The following SPATA33 variants were observed in gnomAD, a reference collection of about 807,000 sequenced individuals.
SPATA33 encodes the protein spermatogenesis associated 33.
Under a neutral mutation model 8.9 loss-of-function variants are expected in SPATA33, and 10 were observed. The ratio of observed to expected loss-of-function variants is 1.12; its 90% CI spans 0.69 to 1.90. SPATA33 has a LOEUF of 1.90. SPATA33 is among the 40% of genes most tolerant of loss of function. The probability of loss-of-function intolerance (pLI) is 0.00; values close to 1 mark genes in which losing one functional copy is unlikely to be tolerated. For missense variants in SPATA33, 241 were observed against 178.3 expected (o/e 1.35, Z -2.00); for synonymous variants, 96 against 72.8 (o/e 1.32, Z -1.63).
chr16:89,665,533 C>A (rs2060015510), intron 2 of SPATA33, among the ~76,000 whole-genome samples: 1 of 149,504 alleles, frequency 6.7e-6, no homozygotes, highest in Non-Finnish European at 1.5e-5. Context: ...CCAGAATGGT[C>A]TTAATTTCCT....
rs78534595 is a variant in SPATA33 at position 89,663,698 on chromosome 16, G to A, written c.211+5277G>A. Among the ~76,000 whole-genome samples the A allele has an allele frequency of 0.024, 3,695 of 152,210 alleles. 679 individuals are homozygous for A. In the East Asian group the frequency reaches 0.5, roughly 21 times the overall value. On this transcript the variant is annotated intron_variant, in intron 2 of 2. Transcript: ENST00000579310. ...GGGGTAGGGAGTGGGTGTGTCTGAAGGGCAGCAGGAGGAAGATGGGATTGT... is the reference window on the plus strand; with the variant it reads ...GGGGTAGGGAGTGGGTGTGTCTGAAAGGCAGCAGGAGGAAGATGGGATTGT...
At chr16:89,660,216 T>G (rs2059947864) in intron 2 of SPATA33, 1 of 273,802 alleles carries the variant, frequency 3.7e-6, no homozygotes. Context: ...CAGGCAGGAC[T>G]GCATCTACTG....
rs138628022 is a variant in SPATA33 at position 89,660,067 on chromosome 16, A to G, written c.211+1646A>G. 201 of 156,092 alleles carry G rather than the reference A, an allele frequency of 1.3e-3. 1 individual carries two copies. The highest frequency in any genetic ancestry group is 4.3e-3 in the African/African-American group (181 of 41,738). 9.7% of individuals were successfully genotyped at this position (156,092 alleles called of 1,614,324 possible). A position where few individuals can be genotyped will look rare whatever the true frequency, so the allele number is the denominator to read the frequency against. On this transcript the variant is annotated intron_variant, in intron 2 of 2. Coordinates refer to ENST00000579310, the MANE Select transcript of SPATA33 (RefSeq NM_001271907.2). ...AACGCAGCTTTAACACAGGGATTTA[A>G]TGTCTCACGAATGAAGGGTCAGAGG...
chr16:89,658,768 C>T, intron 2 of SPATA33: 1 of 317,860 alleles, frequency 3.1e-6, no homozygotes, highest in Non-Finnish European at 6.1e-6. Context: ...TGGAACAGAG[C>T]ATTGGGAGGC....
rs553405291 is a variant in SPATA33, at chr16:89,664,560, T to C, written c.212-4726T>C. On this transcript the variant is annotated intron_variant, in intron 2 of 2. Coordinates refer to ENST00000579310, the MANE Select transcript of SPATA33 (RefSeq NM_001271907.2). The stretch of plus-strand genomic sequence containing the variant: ...GACAGTAAAAGTGTCAGAGGCTCTT[T>C]AGGGCCCGACCTGATCAGGGAAGCC... Among the ~76,000 whole-genome samples, 696 of 151,814 alleles carry C rather than the reference T, an allele frequency of 4.6e-3. 5 individuals carry two copies. The highest frequency in any genetic ancestry group is 0.016 in the African/African-American group (665 of 41,344).
intron 2 of SPATA33, chr16:89,661,189 G>T (rs2059961771): frequency 2.0e-6 from 2 of 985,430 alleles, no homozygotes; most frequent in Non-Finnish European, 2.4e-6. Flanking sequence ...GTTAATCACT[G>T]TGGCAGCTGT....
chr16:89,660,825 G>T (rs2059956993), intron 2 of SPATA33: 2 of 1,144,090 alleles, frequency 1.7e-6, no homozygotes, highest in Non-Finnish European at 2.2e-6. Context: ...CAGTTTAGTA[G>T]TCCTGGTCCC....
intron 2 of SPATA33, among the ~76,000 whole-genome samples, chr16:89,668,802 G>A (rs1297207212): frequency 6.6e-6 from 1 of 152,264 alleles, no homozygotes; most frequent in East Asian, 1.9e-4. Context: ...CAGTTTCACA[G>A]GTCTCAGGCG....
At chr16:89,664,767 G>A (rs1296054076) in intron 2 of SPATA33, among the ~76,000 whole-genome samples, 2 of 152,158 alleles carry the variant, frequency 1.3e-5, no homozygotes, top group Admixed American at 1.3e-4. Flanking sequence ...AATAAATTCT[G>A]CCTCCAACCA....
At position 89,669,433 on chromosome 16, in the gene SPATA33, G is replaced by A. The variant is rs751893819; in HGVS notation, c.359G>A (p.Gly120Asp). 2 of 1,613,826 alleles carry A rather than the reference G, an allele frequency of 1.2e-6. No individual in the cohort carries two copies. Among genetic ancestry groups the A allele is most frequent in the African/African-American group, 1.3e-5 (1 of 74,896 alleles). ...ACCATTCGGGAGCCGGAGGACTGGG[G>A]CCCCTACCGGCGGCACAGGAACCCC... ...QRTIREPEDW[G>D]PYRRHRNPST... The change falls in exon 3 of 3, where the codon GGC (glycine) becomes GAC (aspartate). Residue 120 changes from glycine to aspartate, a missense_variant. Gly to Asp is a moderately conservative substitution (Grantham distance 94, BLOSUM62 -1). Coordinates refer to ENST00000579310, the MANE Select transcript of SPATA33 (RefSeq NM_001271907.2).
chr16:89,664,378 C>T (rs1372801914), intron 2 of SPATA33, among the ~76,000 whole-genome samples: 1 of 152,152 alleles, frequency 6.6e-6, no homozygotes, highest in Non-Finnish European at 1.5e-5. Flanking sequence ...GATCCCTGCC[C>T]CTGGGAAACA....
intron 2 of SPATA33, among the ~76,000 whole-genome samples, chr16:89,665,817 A>G (rs893405217): frequency 2.0e-5 from 3 of 152,054 alleles, no homozygotes; most frequent in Non-Finnish European, 4.4e-5. Flanking sequence ...GTAGTGATTC[A>G]CGCCTGTAAT....
chr16:89,658,032 G>A (rs1031769674), intron 1 of SPATA33, 84 bp downstream of exon 1: 10 of 1,463,708 alleles, frequency 6.8e-6, no homozygotes, highest in Non-Finnish European at 8.0e-6. Flanking sequence ...GCGGGGCGGT[G>A]TGAGCGCAGG....
At chr16:89,664,188 C>G (rs1222693555) in intron 2 of SPATA33, among the ~76,000 whole-genome samples, 1 of 152,168 alleles carries the variant, frequency 6.6e-6, no homozygotes, top group Non-Finnish European at 1.5e-5. Context: ...AAACCTCTCC[C>G]CAAACTCTTA....
At chr16:89,663,135 A>T (rs1171670587) in intron 2 of SPATA33, among the ~76,000 whole-genome samples, 2 of 151,980 alleles carry the variant, frequency 1.3e-5, no homozygotes, top group Admixed American at 1.3e-4. Context: ...TTGCAAGAAA[A>T]TTTTGAAAAA....
intron 1 of SPATA33, 80 bp downstream of exon 1, chr16:89,658,028 C>T (rs997892716): frequency 6.8e-7 from 1 of 1,467,110 alleles, no homozygotes; most frequent in South Asian, 1.4e-5. Flanking sequence ...CTGGGCGGGG[C>T]GGTGTGAGCG....
chr16:89,667,232 C>T (rs1200926660), intron 2 of SPATA33, among the ~76,000 whole-genome samples: 6 of 152,166 alleles, frequency 3.9e-5, no homozygotes, highest in Non-Finnish European at 8.8e-5. Context: ...CTCTGGTGGC[C>T]CTGTCTGGGC....
chr16:89,660,620 G>A (rs1046593744), intron 2 of SPATA33: 4 of 1,130,920 alleles, frequency 3.5e-6, no homozygotes, highest in African/African-American at 3.2e-5. Flanking sequence ...GGGACACTGA[G>A]TGAGACAAGC....
At position 89,658,245 on chromosome 16, in the gene SPATA33, C is replaced by T. The variant is rs1219673548; in HGVS notation, c.38-3C>T. 4.3e-6 allele frequency: 7 copies of T among 1,614,126 alleles called. No homozygotes were observed. The highest frequency in any genetic ancestry group is 5.9e-6 in the Non-Finnish European group (7 of 1,179,998). On this transcript the variant is annotated splice_polypyrimidine_tract_variant and splice_region_variant and intron_variant, in intron 1 of 2. Coordinates refer to ENST00000579310, the MANE Select transcript of SPATA33 (RefSeq NM_001271907.2). Reference sequence around the variant, plus strand: ...GGTCTAACGGATGATCCATATATTTCAGGTGAGGAGCAAAAGAAGGGATCC... The same window carrying T: ...GGTCTAACGGATGATCCATATATTTTAGGTGAGGAGCAAAAGAAGGGATCC...
Sources: allele counts gnomAD v4.1 joint callset (sites outside exome capture counted in the v4.1 genomes callset), GRCh38; gene constraint gnomAD v4.1.1; transcripts MANE v1.5; gene names NCBI Gene and HGNC (gene_info 2026-07-23, HGNC 2026-07-21).